Variants in HEMK2 observed in about 807,000 individuals in gnomAD.
HEMK2 encodes methyltransferase HEMK2.
the HEMK2 span, among the ~76,000 whole-genome samples, chr21:28,783,797 C>T: frequency 3.8e-3 from 571 of 152,264 alleles, 1 homozygote; most frequent in African/African-American, 0.012. Context: ...GCAGCACTCA[C>T]GGGCCAGCAC....
chr21:28,811,342 AAAGG>A, the HEMK2 span, among the ~76,000 whole-genome samples: 34 of 148,028 alleles, frequency 2.3e-4, no homozygotes, highest in Non-Finnish European at 3.1e-4. Flanking sequence ...AAGGAGAAAG[AAAGG>A]AAGGAAGGAA....
the HEMK2 span, among the ~76,000 whole-genome samples, chr21:28,672,024 T>C: frequency 6.6e-6 from 1 of 152,120 alleles, no homozygotes; most frequent in East Asian, 1.9e-4. Flanking sequence ...TGACCAGTCA[T>C]AGGCAAGTTT....
At chr21:28,808,487 A>G in the HEMK2 span, among the ~76,000 whole-genome samples, 1 of 151,364 alleles carries the variant, frequency 6.6e-6, no homozygotes, top group Non-Finnish European at 1.5e-5. Context: ...GAGAAATAAC[A>G]TCTCAACAAT....
At chr21:28,581,845 T>C in the HEMK2 span, among the ~76,000 whole-genome samples, 1 of 152,206 alleles carries the variant, frequency 6.6e-6, no homozygotes, top group Non-Finnish European at 1.5e-5. Context: ...CCAATGATCT[T>C]AGTAAATTCT....
the HEMK2 span, among the ~76,000 whole-genome samples, chr21:28,619,950 G>A: frequency 6.6e-5 from 10 of 152,174 alleles, no homozygotes; most frequent in African/African-American, 2.4e-4. Flanking sequence ...TGACATGATG[G>A]GATTTTCTAA....
At chr21:28,591,458 A>G in the HEMK2 span, among the ~76,000 whole-genome samples, 1 of 152,150 alleles carries the variant, frequency 6.6e-6, no homozygotes, top group South Asian at 2.1e-4. Flanking sequence ...TCAAGTGAGA[A>G]AAAAAAATGA....
chr21:28,799,122 C>T, the HEMK2 span, among the ~76,000 whole-genome samples: 1 of 152,150 alleles, frequency 6.6e-6, no homozygotes, highest in African/African-American at 2.4e-5. Context: ...AATTTGGGTT[C>T]TGTATTAGTC....
chr21:28,604,620 A>C, the HEMK2 span, among the ~76,000 whole-genome samples: 4 of 152,208 alleles, frequency 2.6e-5, no homozygotes, highest in African/African-American at 9.6e-5. Flanking sequence ...CTGCTCAGCA[A>C]TTCTCCTCAT....
chr21:28,854,407 T>C, the HEMK2 span, among the ~76,000 whole-genome samples: 1 of 150,938 alleles, frequency 6.6e-6, no homozygotes, highest in East Asian at 2.0e-4. Flanking sequence ...CCAACCTTAA[T>C]ATTTTGTTCC....
the HEMK2 span, among the ~76,000 whole-genome samples, chr21:28,863,410 T>TTTTATATATATA: frequency 2.6e-5 from 1 of 38,988 alleles, no homozygotes; most frequent in African/African-American, 7.0e-5. Flanking sequence ...AAACTCCCTT[T>TTTTATATATATA]TATATATATA....
chr21:28,803,845 A>G, the HEMK2 span, among the ~76,000 whole-genome samples: 1 of 152,198 alleles, frequency 6.6e-6, no homozygotes, highest in Non-Finnish European at 1.5e-5. Flanking sequence ...TGTCTGAATT[A>G]TAAGGGTTGG....
the HEMK2 span, among the ~76,000 whole-genome samples, chr21:28,782,616 T>C: frequency 0.02 from 3,009 of 152,336 alleles, 44 homozygotes; most frequent in Non-Finnish European, 0.028. Context: ...AAAGTTTTAA[T>C]ATCCTTGATA....
the HEMK2 span, among the ~76,000 whole-genome samples, chr21:28,724,311 C>A: frequency 9.9e-5 from 15 of 152,144 alleles, no homozygotes; most frequent in Non-Finnish European, 1.6e-4. Context: ...AAAATAGAAC[C>A]TTGTTTATAA....
At chr21:28,728,557 G>C in the HEMK2 span, among the ~76,000 whole-genome samples, 1 of 152,156 alleles carries the variant, frequency 6.6e-6, no homozygotes, top group Non-Finnish European at 1.5e-5. Flanking sequence ...ATGATGTAGA[G>C]GGAATGATTA....
the HEMK2 span, among the ~76,000 whole-genome samples, chr21:28,667,431 A>C: frequency 6.6e-6 from 1 of 152,198 alleles, no homozygotes; most frequent in African/African-American, 2.4e-5. Flanking sequence ...GAGAATAAAG[A>C]AGCAAATATT....
chr21:28,740,348 G>A, the HEMK2 span, among the ~76,000 whole-genome samples: 1 of 152,158 alleles, frequency 6.6e-6, no homozygotes, highest in South Asian at 2.1e-4. Context: ...TATTGTGTGG[G>A]TAACCCTTTG....
At chr21:28,670,400 T>C in the HEMK2 span, among the ~76,000 whole-genome samples, 1 of 152,204 alleles carries the variant, frequency 6.6e-6, no homozygotes, top group Non-Finnish European at 1.5e-5. Flanking sequence ...TAGCCATGTG[T>C]GGTATCTTTT....
At chr21:28,618,986 C>T in the HEMK2 span, among the ~76,000 whole-genome samples, 1 of 152,112 alleles carries the variant, frequency 6.6e-6, no homozygotes, top group African/African-American at 2.4e-5. Context: ...TTTACAAAAG[C>T]TATGAAGTTA....
At chr21:28,814,297 A>G in the HEMK2 span, among the ~76,000 whole-genome samples, 3 of 133,868 alleles carry the variant, frequency 2.2e-5, no homozygotes, top group South Asian at 2.7e-4. Context: ...AACCTAGGCA[A>G]TACCATTCAG....
Sources: gnomAD v4.1 joint callset for allele counts (sites outside exome capture counted in the v4.1 genomes callset) on GRCh38, gnomAD v4.1.1 for gene constraint, MANE v1.5 for transcripts, NCBI Gene and HGNC (gene_info 2026-07-23, HGNC 2026-07-21) for gene names.